Variants in WWOX observed in about 807,000 individuals in gnomAD.
WWOX encodes the protein WW domain-containing oxidoreductase.
A neutral mutation model predicts 46.2 loss-of-function variants in WWOX; 69 were observed. That is an observed-to-expected ratio of 1.49 (90% CI 1.23 to 1.82). WWOX has a LOEUF of 1.82. WWOX is among the 40% of genes most tolerant of loss of function. The pLI, the probability that WWOX is intolerant of heterozygous loss-of-function variation, is 0.00. For synonymous variants in WWOX, 359 were observed against 202.6 expected, an observed-to-expected ratio of 1.77 and a Z score of -6.56; for missense variants, 919 against 542.6, an observed-to-expected ratio of 1.69 and a Z score of -6.89.
rs117523776 is a variant in WWOX at position 78,492,151 on chromosome 16, C to T, written c.1056+59399C>T. 3.2e-3 allele frequency among the ~76,000 whole-genome samples: 491 copies of T among 152,254 alleles called. 2 individuals are homozygous for T. Among genetic ancestry groups the T allele is most frequent in the East Asian group, 5.8e-3 (30 of 5,174 alleles). ...AATGAGCAACCTGGAAGATGAGTGG[C>T]GTTTCCACACACAGGGAAGCAGATA... On this transcript the variant is annotated intron_variant, in intron 8 of 8. Transcript: ENST00000566780.
chr16:78,215,187 A>C (rs571318158), intron 5 of WWOX, among the ~76,000 whole-genome samples: 2 of 152,192 alleles, frequency 1.3e-5, no homozygotes, highest in Admixed American at 1.3e-4. Flanking sequence ...TTTCTTCCCC[A>C]TATCAAGCAC....
In WWOX at chr16:78,493,869, T is replaced by C. The variant is rs1053133307; in HGVS notation, c.1056+61117T>C. Among the ~76,000 whole-genome samples the C allele has an allele frequency of 4.6e-5, 7 of 152,190 alleles. 1 individual carries two copies. The highest frequency in any genetic ancestry group is 4.8e-5 in the African/African-American group (2 of 41,450). ...ATGTCTGATCATCGTCAATTTTCTT[T>C]CCATTTGGATAGATGAATGGTAATA... On this transcript the variant is annotated intron_variant, in intron 8 of 8. Transcript: ENST00000566780.
At chr16:79,159,413 C>CA (rs2050442513) in intron 8 of WWOX, among the ~76,000 whole-genome samples, 1 of 152,216 alleles carries the variant, frequency 6.6e-6, no homozygotes, top group Admixed American at 6.5e-5. Context: ...ATTTGCCTCT[C>CA]AGGCAGCCAG....
At chr16:78,711,235 T>A (rs1007027324) in intron 8 of WWOX, among the ~76,000 whole-genome samples, 13 of 152,208 alleles carry the variant, frequency 8.5e-5, no homozygotes, top group Admixed American at 1.3e-4. Flanking sequence ...TGGAAATTGT[T>A]TGAAATGTTC....
intron 8 of WWOX, among the ~76,000 whole-genome samples, chr16:78,735,698 C>T (rs544729035): frequency 6.6e-6 from 1 of 152,316 alleles, no homozygotes; most frequent in East Asian, 1.9e-4. Flanking sequence ...CACCGTGATG[C>T]CTGGCTCAAG....
intron 5 of WWOX, among the ~76,000 whole-genome samples, chr16:78,351,390 C>T (rs1408285964): frequency 1.3e-5 from 2 of 152,230 alleles, no homozygotes; most frequent in Non-Finnish European, 2.9e-5. Context: ...CTGGGATGCC[C>T]GACTGCATTG....
chr16:78,370,292 C>G (rs974065051), intron 5 of WWOX, among the ~76,000 whole-genome samples: 4 of 152,122 alleles, frequency 2.6e-5, no homozygotes, highest in Non-Finnish European at 4.4e-5. Context: ...GATATTACCA[C>G]TTACCTCAGA....
chr16:78,916,627 A>G (rs536654712), intron 8 of WWOX, among the ~76,000 whole-genome samples: 3 of 152,234 alleles, frequency 2.0e-5, no homozygotes, highest in Non-Finnish European at 4.4e-5. Context: ...ATTGGCCTAG[A>G]CGAGCAAAGA....
chr16:78,182,455 G>A (rs1178923528), intron 5 of WWOX, among the ~76,000 whole-genome samples: 1 of 151,810 alleles, frequency 6.6e-6, no homozygotes, highest in African/African-American at 2.4e-5. Flanking sequence ...GCTTGGAAGG[G>A]TCTCAGCTAA....
chr16:79,089,311 C>G lies in WWOX; in HGVS notation c.1057-122297C>G, dbSNP rs571891219. ...AGGTTTGATTATAAATTAGCGTCAT[C>G]ATGAACGTTCAAGGTGGGGACCTTT... On this transcript the variant is annotated intron_variant, in intron 8 of 8. Coordinates refer to ENST00000566780, the MANE Select transcript of WWOX (RefSeq NM_016373.4). 3.7e-4 allele frequency among the ~76,000 whole-genome samples: 54 copies of G among 146,858 alleles called. 1 individual carries two copies. The highest frequency in any genetic ancestry group is 7.1e-3 in the Middle Eastern group (2 of 282).
At chr16:78,659,240 A>G (rs914525815) in intron 8 of WWOX, among the ~76,000 whole-genome samples, 2 of 152,154 alleles carry the variant, frequency 1.3e-5, no homozygotes, top group Non-Finnish European at 2.9e-5. Flanking sequence ...AGACAGATTC[A>G]ATAACTACGT....
intron 8 of WWOX, among the ~76,000 whole-genome samples, chr16:78,557,154 G>A (rs968023873): frequency 6.6e-6 from 1 of 152,112 alleles, no homozygotes; most frequent in East Asian, 1.9e-4. Context: ...TTTTGTAGTG[G>A]GCTATTAGAT....
intron 8 of WWOX, among the ~76,000 whole-genome samples, chr16:78,510,199 A>G (rs1272201668): frequency 1.3e-5 from 2 of 152,198 alleles, no homozygotes; most frequent in East Asian, 3.9e-4. Flanking sequence ...GTCTGTCTTT[A>G]TTGTTTCACT....
At chr16:78,771,087 G>C (rs538686225) in intron 8 of WWOX, among the ~76,000 whole-genome samples, 10 of 152,320 alleles carry the variant, frequency 6.6e-5, no homozygotes, top group Non-Finnish European at 8.8e-5. Flanking sequence ...ATGCAAGTAA[G>C]CCAGCTGCAA....
chr16:79,153,148 G>C (rs1046026219), intron 8 of WWOX, among the ~76,000 whole-genome samples: 1 of 152,124 alleles, frequency 6.6e-6, no homozygotes, highest in Non-Finnish European at 1.5e-5. Context: ...TCATTCAACC[G>C]CCAAGAAATC....
At chr16:78,523,598 C>A (rs1425299484) in intron 8 of WWOX, among the ~76,000 whole-genome samples, 1 of 152,170 alleles carries the variant, frequency 6.6e-6, no homozygotes, top group Non-Finnish European at 1.5e-5. Context: ...AAGAGTTATT[C>A]TTCCATATTT....
chr16:78,470,404 C>G (rs1488268127), intron 8 of WWOX, among the ~76,000 whole-genome samples: 1 of 152,184 alleles, frequency 6.6e-6, no homozygotes, highest in African/African-American at 2.4e-5. Context: ...CCCTCAAGAT[C>G]TTTGTTTTTG....
intron 8 of WWOX, among the ~76,000 whole-genome samples, chr16:78,532,909 C>T (rs1158883531): frequency 1.3e-5 from 2 of 152,156 alleles, no homozygotes; most frequent in South Asian, 4.1e-4. Flanking sequence ...ATTTATAAAA[C>T]TCTAAGCAGC....
rs1189993388 is a variant in WWOX, at chr16:79,211,878, A to C, written c.*82A>C. ...AGTGCCAGGGCTGGGCCCCTTCCAA[A>C]TGTCCCTCCAACACAGATCCGCAAG... On this transcript the variant is annotated 3_prime_UTR_variant, in exon 9 of 9. Coordinates refer to ENST00000566780, the MANE Select transcript of WWOX (RefSeq NM_016373.4). The C allele has an allele frequency of 1.3e-6, 2 of 1,587,200 alleles. No homozygotes were observed. Among genetic ancestry groups the C allele is most frequent in the Non-Finnish European group, 1.7e-6 (2 of 1,168,878 alleles).
Sources: gnomAD v4.1 joint callset for allele counts (sites outside exome capture counted in the v4.1 genomes callset) on GRCh38, gnomAD v4.1.1 for gene constraint, MANE v1.5 for transcripts, NCBI Gene and HGNC (gene_info 2026-07-23, HGNC 2026-07-21) for gene names.